STRADA: variants seen among roughly 807,000 people sequenced by gnomAD.
STRADA encodes STE20-related kinase adapter protein alpha.
STRADA carries 26 observed loss-of-function variants against 55.0 expected under a neutral mutation model. That is an observed-to-expected ratio of 0.47 (90% CI 0.35 to 0.66). STRADA has a LOEUF of 0.66. Among genes scored for constraint, STRADA ranks in the 30% least tolerant of loss-of-function variants. The pLI, the probability that STRADA is intolerant of heterozygous loss-of-function variation, is 0.01. For synonymous variants in STRADA, 197 were observed against 210.9 expected, an observed-to-expected ratio of 0.93 and a Z score of 0.57; for missense variants, 443 against 549.7, an observed-to-expected ratio of 0.81 and a Z score of 1.94.
At chr17:63,741,910 A>C (rs1047235441), upstream of STRADA, 9 of 152,170 alleles carry the variant, frequency 5.9e-5, no homozygotes, top group Admixed American at 2.6e-4. Context: ...CCCTGCGGGG[A>C]AGTCCCGCCC....
intron 1 of STRADA, among the ~76,000 whole-genome samples, chr17:63,740,038 G>A (rs1012021125): frequency 2.8e-5 from 4 of 141,460 alleles, no homozygotes; most frequent in Non-Finnish European, 4.5e-5. Context: ...AAAGTGCTGG[G>A]ATTACAGAGG....
chr17:63,720,248 C>T (rs2037206244), intron 4 of STRADA, among the ~76,000 whole-genome samples: 4 of 151,736 alleles, frequency 2.6e-5, no homozygotes, highest in Admixed American at 2.6e-4. Context: ...TATCCTAGCT[C>T]ACTGCAGCCT....
chr17:63,719,486 C>CT lies in STRADA; in HGVS notation c.123+3811dup, dbSNP rs1342178523. Among the ~76,000 whole-genome samples the CT allele has an allele frequency of 6.0e-3, 861 of 144,656 alleles. 10 individuals carry two copies. The highest frequency in any genetic ancestry group is 0.015 in the African/African-American group (578 of 39,706). 94.9% of individuals were successfully genotyped at this position (144,656 alleles called of 152,430 possible). On this transcript the variant is annotated intron_variant, in intron 4 of 12. Transcript: ENST00000336174. Reference sequence around the variant, plus strand: ...TTGGAGAAACCACAGATAGATACTACTTTTTTTTTTTTTTTGAGACAGAGT... The same window carrying CT: ...TTGGAGAAACCACAGATAGATACTACTTTTTTTTTTTTTTTTGAGACAGAGT...
intron 1 of STRADA, among the ~76,000 whole-genome samples, chr17:63,729,163 G>A (rs536942303): frequency 7.9e-5 from 12 of 152,212 alleles, no homozygotes; most frequent in South Asian, 4.1e-4. Flanking sequence ...GGGTTACCAC[G>A]TGAGCCACCA....
chr17:63,704,311 C>G, intron 11 of STRADA, 30 bp downstream of exon 11: 1 of 1,609,624 alleles, frequency 6.2e-7, no homozygotes, highest in Non-Finnish European at 8.5e-7. Flanking sequence ...TCTGCTCTCC[C>G]GAAGCCCAGG....
rs1309095081 is a variant in STRADA at position 63,740,107 on chromosome 17, T to TATATATACAC, written c.-45+1633_-45+1634insGTGTATATAT. Among the ~76,000 whole-genome samples, 9 of 49,646 alleles carry TATATATACAC rather than the reference T, an allele frequency of 1.8e-4. 1 individual carries two copies. In the East Asian group the frequency reaches 2.0e-3, roughly 11 times the overall value. The allele number at this position is 49,646 out of a possible 152,430, so 32.6% of individuals were successfully genotyped here. A position where few individuals can be genotyped will look rare whatever the true frequency, so the allele number is the denominator to read the frequency against. On this transcript the variant is annotated intron_variant, in intron 1 of 12. Coordinates refer to ENST00000336174, the MANE Select transcript of STRADA (RefSeq NM_001003787.4). ...AACACTATATATATATATATATATA[T>TATATATACAC]ACATACATACATATATATATACACA...
Position 63,704,682 on chromosome 17 carries a change from A to G in STRADA, c.859-100T>C. 2.6e-6 allele frequency: 4 copies of G among 1,511,748 alleles called. No individual in the cohort carries two copies. The East Asian group carries it at 7.1e-5, about 27-fold the overall frequency. The allele number at this position is 1,511,748 out of a possible 1,614,324, so 93.6% of individuals were successfully genotyped here. On this transcript the variant is annotated intron_variant, in intron 10 of 12. Transcript: ENST00000336174. ...TCTTCACAAATACACTGTTCCCAAT[A>G]TGCAAATGTGATCATTTGAAGAGTG...
intron 1 of STRADA, among the ~76,000 whole-genome samples, chr17:63,728,904 T>A (rs59596917): frequency 0.7 from 104,848 of 150,042 alleles, 38,059 homozygotes; most frequent in African/African-American, 0.92. Flanking sequence ...AAAAAAAAAA[T>A]TTTAATTAAT....
intron 4 of STRADA, among the ~76,000 whole-genome samples, chr17:63,716,302 G>A (rs886803142): frequency 6.6e-6 from 1 of 151,880 alleles, no homozygotes; most frequent in Non-Finnish European, 1.5e-5. Context: ...TTGCCATGTT[G>A]CCCAGCTGGT....
chr17:63,729,169 C>T (rs1183212641), intron 1 of STRADA, among the ~76,000 whole-genome samples: 1 of 152,244 alleles, frequency 6.6e-6, no homozygotes, highest in Non-Finnish European at 1.5e-5. Context: ...CCACGTGAGC[C>T]ACCATGCACA....
chr17:63,731,256 CTTTTTTTTTTT>C (rs60777564), intron 1 of STRADA, among the ~76,000 whole-genome samples: 2 of 78,044 alleles, frequency 2.6e-5, no homozygotes, highest in Non-Finnish European at 4.3e-5. Flanking sequence ...ATATTCTTTC[CTTTTTTTTTTT>C]TTTTTTTTTT....
intron 4 of STRADA, 137 bp downstream of exon 4, chr17:63,723,161 C>T (rs768660517): frequency 2.7e-6 from 3 of 1,105,506 alleles, no homozygotes; most frequent in South Asian, 1.4e-5. Flanking sequence ...TCCACAAGTA[C>T]AAAAATCACA....
rs113031224 is a variant in STRADA at position 63,716,288 on chromosome 17, G to A, written c.124-2180C>T. On this transcript the variant is annotated intron_variant, in intron 4 of 12. Transcript: ENST00000336174. ...GTTTTGTATTTTTTTGTAGAGATGGGGTTTTGCCATGTTGCCCAGCTGGTC... is the reference window on the plus strand; with the variant it reads ...GTTTTGTATTTTTTTGTAGAGATGGAGTTTTGCCATGTTGCCCAGCTGGTC... 9.3e-3 allele frequency among the ~76,000 whole-genome samples: 1,418 copies of A among 151,806 alleles called. 22 individuals are homozygous for A. Among genetic ancestry groups the A allele is most frequent in the African/African-American group, 0.032 (1,327 of 41,392 alleles).
chr17:63,724,169 G>GTC (rs2037491660), intron 3 of STRADA, among the ~76,000 whole-genome samples: 1 of 151,972 alleles, frequency 6.6e-6, no homozygotes, highest in Non-Finnish European at 1.5e-5. Flanking sequence ...TGGAGGCAGA[G>GTC]TCTTGCTTTA....
chr17:63,707,210 G>T (rs2036153552), intron 9 of STRADA, 37 bp downstream of exon 9: 1 of 1,607,164 alleles, frequency 6.2e-7, no homozygotes. Flanking sequence ...GGAATCATGA[G>T]TTGGGTAGGG....
chr17:63,727,133 A>G (rs1405423524), intron 2 of STRADA: 2 of 173,308 alleles, frequency 1.2e-5, no homozygotes, highest in Admixed American at 6.1e-5. Context: ...AACAAGTTGC[A>G]TATTCTTTAT....
chr17:63,728,272 C>G, intron 2 of STRADA, 62 bp downstream of exon 2: 1 of 1,570,358 alleles, frequency 6.4e-7, no homozygotes, highest in African/African-American at 1.4e-5. Flanking sequence ...CAACATCTGC[C>G]AAAATACACT....
At chr17:63,708,795 A>C (rs1368148841) in intron 8 of STRADA, among the ~76,000 whole-genome samples, 1 of 152,212 alleles carries the variant, frequency 6.6e-6, no homozygotes, top group Non-Finnish European at 1.5e-5. Flanking sequence ...TTGGCCTCCC[A>C]GAGTGCTGGG....
At chr17:63,709,389 G>A (rs954986462) in intron 8 of STRADA, among the ~76,000 whole-genome samples, 5 of 152,140 alleles carry the variant, frequency 3.3e-5, no homozygotes, top group Admixed American at 3.3e-4. Flanking sequence ...TTGTCTTGGG[G>A]TTTCCTCTTT....
Sources: gnomAD v4.1 joint callset for allele counts (sites outside exome capture counted in the v4.1 genomes callset) on GRCh38, gnomAD v4.1.1 for gene constraint, MANE v1.5 for transcripts, NCBI Gene and HGNC (gene_info 2026-07-23, HGNC 2026-07-21) for gene names.